Variants in PLXNA4 observed in about 807,000 individuals in gnomAD.
PLXNA4 encodes plexin A4, also known as plexin-A4.
Under a neutral mutation model 191.8 loss-of-function variants are expected in PLXNA4, and 44 were observed. The observed-to-expected ratio is 0.23, with a 90% CI of 0.18 to 0.29. The LOEUF (loss-of-function observed/expected upper bound fraction) is 0.29. Among genes scored for constraint, PLXNA4 ranks in the 10% least tolerant of loss-of-function variants. The pLI is 1.00. For synonymous variants in PLXNA4, 1,082 were observed against 1,009.5 expected, an observed-to-expected ratio of 1.07 and a Z score of -1.36; for missense variants, 1,800 against 2,488.8, an observed-to-expected ratio of 0.72 and a Z score of 5.89.
intron 3 of PLXNA4, among the ~76,000 whole-genome samples, chr7:132,451,214 C>T (rs1796109930): frequency 6.6e-6 from 1 of 152,156 alleles, no homozygotes; most frequent in African/African-American, 2.4e-5. Context: ...CACGCTGGTC[C>T]AGAAGTCTTC....
At chr7:132,521,547 C>A (rs1485426374) in intron 1 of PLXNA4, among the ~76,000 whole-genome samples, 2 of 152,126 alleles carry the variant, frequency 1.3e-5, no homozygotes, top group Non-Finnish European at 2.9e-5. Flanking sequence ...AGAAGATGTG[C>A]AGTTTCTGGC....
chr7:132,499,621 T>C (rs1798167366), intron 2 of PLXNA4, among the ~76,000 whole-genome samples: 1 of 152,070 alleles, frequency 6.6e-6, no homozygotes. Flanking sequence ...AGAAATACCA[T>C]GATGATTAAG....
At chr7:132,148,267 A>T (rs895694541) in intron 26 of PLXNA4, among the ~76,000 whole-genome samples, 2 of 152,114 alleles carry the variant, frequency 1.3e-5, no homozygotes, top group African/African-American at 4.8e-5. Flanking sequence ...CTGGAAGATG[A>T]CCCAGCCTTA....
intron 2 of PLXNA4, among the ~76,000 whole-genome samples, chr7:132,619,819 G>C (rs772216112): frequency 6.6e-6 from 1 of 151,958 alleles, no homozygotes; most frequent in Non-Finnish European, 1.5e-5. Flanking sequence ...TTTGGTTTTT[G>C]AGACGGAGTC....
At position 132,127,943 on chromosome 7, in the gene PLXNA4, C is replaced by CT. The variant is rs1184536056; in HGVS notation, c.*2535dup. ...AAGCTTCAGCAGAACCGTGATAAGT[C>CT]TTTTTTCTTTTTTTTTTCTGCTTGT... is the stretch of plus-strand genomic sequence containing the variant. On this transcript the variant is annotated 3_prime_UTR_variant, in exon 32 of 32. Coordinates refer to ENST00000321063, the MANE Select transcript of PLXNA4 (RefSeq NM_020911.2). 1 of 106,174 alleles carries CT rather than the reference C, an allele frequency of 9.4e-6. No homozygotes were observed. Among genetic ancestry groups the CT allele is most frequent in the Non-Finnish European group, 1.9e-5 (1 of 52,242 alleles). 6.6% of individuals were successfully genotyped at this position (106,174 alleles called of 1,614,324 possible).
chr7:132,182,076 C>T (rs757552397), intron 17 of PLXNA4, 21 bp downstream of exon 17: 6 of 1,613,974 alleles, frequency 3.7e-6, no homozygotes, highest in Non-Finnish European at 5.1e-6. Context: ...CCTCCATGAA[C>T]CCCATCAGCC....
chr7:132,489,280 C>G lies in PLXNA4; in HGVS notation c.1371+12G>C, dbSNP rs1797685781. On this transcript the variant is annotated intron_variant, in intron 3 of 31. Transcript: ENST00000321063. ...CTTCACAGTAACCAAAAGTACTGCACCTCATTCCTACCTTCTTCAGCTTGC... is the reference window on the plus strand; with the variant it reads ...CTTCACAGTAACCAAAAGTACTGCAGCTCATTCCTACCTTCTTCAGCTTGC... 6.3e-7 allele frequency: 1 copy of G among 1,578,260 alleles called. No homozygotes were observed. Among genetic ancestry groups the G allele is most frequent in the Non-Finnish European group, 8.7e-7 (1 of 1,150,686 alleles).
Position 132,327,592 on chromosome 7 carries a change from C to T in PLXNA4, c.1372-29370G>A, listed in dbSNP as rs117292017. ...TTTGTCACCCTTATAACACCAAGGT[C>T]GGACACCCATGCAAAATATGCATCA... On this transcript the variant is annotated intron_variant, in intron 3 of 31. Transcript: ENST00000321063. 4.5e-3 allele frequency among the ~76,000 whole-genome samples: 692 copies of T among 152,242 alleles called. 5 individuals carry two copies. Among genetic ancestry groups the T allele is most frequent in the Non-Finnish European group, 8.2e-3 (561 of 68,010 alleles).
intron 25 of PLXNA4, among the ~76,000 whole-genome samples, chr7:132,153,057 G>C (rs557630505): frequency 6.6e-6 from 1 of 152,240 alleles, no homozygotes; most frequent in South Asian, 2.1e-4. Flanking sequence ...AAGACTCCTT[G>C]TGTGGAGAGG....
intron 3 of PLXNA4, among the ~76,000 whole-genome samples, chr7:132,465,380 A>G (rs1013895400): frequency 1.3e-5 from 2 of 152,178 alleles, no homozygotes; most frequent in African/African-American, 4.8e-5. Flanking sequence ...TGGCTTCCAC[A>G]TAAGATTTTA....
rs138466576 is a variant in PLXNA4, at chr7:132,329,357, G to T, written c.1372-31135C>A. On this transcript the variant is annotated intron_variant, in intron 3 of 31. Transcript: ENST00000321063. ...TCTCCCTGTCTCTGGTTCTTGGAAT[G>T]AATTTTTATATCTTTATGTGTGTGT... Among the ~76,000 whole-genome samples, 1,096 of 152,276 alleles carry T rather than the reference G, an allele frequency of 7.2e-3. 14 individuals carry two copies. Among genetic ancestry groups the T allele is most frequent in the African/African-American group, 0.025 (1,047 of 41,544 alleles).
intron 1 of PLXNA4, among the ~76,000 whole-genome samples, chr7:132,519,356 T>A (rs751635494): frequency 6.6e-6 from 1 of 152,104 alleles, no homozygotes; most frequent in Non-Finnish European, 1.5e-5. Flanking sequence ...GGCCTCTGAG[T>A]GCACAGAAAT....
chr7:132,335,144 A>G (rs780760231), intron 3 of PLXNA4, among the ~76,000 whole-genome samples: 1 of 152,182 alleles, frequency 6.6e-6, no homozygotes, highest in Non-Finnish European at 1.5e-5. Context: ...ACCAAAATCT[A>G]TTGTTTAGTG....
At chr7:132,540,736 C>T (rs992930809) in intron 1 of PLXNA4, among the ~76,000 whole-genome samples, 5 of 150,816 alleles carry the variant, frequency 3.3e-5, no homozygotes, top group East Asian at 3.9e-4. Flanking sequence ...TACAGGCGCC[C>T]GCCACCGCGC....
At chr7:132,303,085 C>G (rs1801369465) in intron 3 of PLXNA4, among the ~76,000 whole-genome samples, 1 of 151,538 alleles carries the variant, frequency 6.6e-6, no homozygotes, top group Non-Finnish European at 1.5e-5. Context: ...CCATATTTGC[C>G]AGGCTGGTCT....
intron 9 of PLXNA4, among the ~76,000 whole-genome samples, chr7:132,213,676 C>G (rs776699014): frequency 2.0e-5 from 3 of 152,118 alleles, no homozygotes; most frequent in African/African-American, 7.2e-5. Context: ...GTTGGCAGCT[C>G]GAGGAGAGCA....
intron 30 of PLXNA4, among the ~76,000 whole-genome samples, chr7:132,133,981 G>A (rs1282868661): frequency 6.6e-6 from 1 of 152,134 alleles, no homozygotes; most frequent in African/African-American, 2.4e-5. Context: ...CCTTGTGGTG[G>A]CCCAGCTCAG....
At chr7:132,491,425 A>G (rs1585215016) in intron 2 of PLXNA4, among the ~76,000 whole-genome samples, 1 of 152,146 alleles carries the variant, frequency 6.6e-6, no homozygotes, top group African/African-American at 2.4e-5. Flanking sequence ...AGAGAAGGTG[A>G]CCTGCTCAGC....
intron 30 of PLXNA4, among the ~76,000 whole-genome samples, chr7:132,136,538 G>T (rs1381615284): frequency 3.3e-5 from 5 of 152,176 alleles, no homozygotes; most frequent in Non-Finnish European, 1.5e-5. Flanking sequence ...CTGAGGTCCT[G>T]ACATCAGGCC....
Sources: gnomAD v4.1 joint callset for allele counts (sites outside exome capture counted in the v4.1 genomes callset) on GRCh38, gnomAD v4.1.1 for gene constraint, MANE v1.5 for transcripts, NCBI Gene and HGNC (gene_info 2026-07-23, HGNC 2026-07-21) for gene names.